The following DLG2 variants were observed in gnomAD, a reference collection of about 807,000 sequenced individuals.
The protein encoded by DLG2 is disks large homolog 2.
A neutral mutation model predicts 132.5 loss-of-function variants in DLG2; 45 were observed. The ratio of observed to expected loss-of-function variants is 0.34; its 90% CI spans 0.27 to 0.44. DLG2 has a LOEUF of 0.44. DLG2 is among the 20% of genes least tolerant of loss of function. The pLI is 1.00. For missense variants in DLG2, 1,045 were observed against 1,196.9 expected (o/e 0.87, Z 1.87); for synonymous variants, 424 against 419.6 (o/e 1.01, Z -0.13).
intron 11 of DLG2, among the ~76,000 whole-genome samples, chr11:84,058,760 T>A (rs7101362): frequency 0.071 from 10,673 of 151,368 alleles, 1,034 homozygotes; most frequent in African/African-American, 0.22. Flanking sequence ...CTGCAACTCC[T>A]CAGAGTAACT....
intron 6 of DLG2, among the ~76,000 whole-genome samples, chr11:84,945,525 A>G (rs1354725933): frequency 6.6e-6 from 1 of 152,212 alleles, no homozygotes; most frequent in Non-Finnish European, 1.5e-5. Context: ...CCAGCATGGC[A>G]CTGGGTCTCG....
At chr11:83,772,263 G>A (rs2094424880) in intron 18 of DLG2, among the ~76,000 whole-genome samples, 1 of 151,802 alleles carries the variant, frequency 6.6e-6, no homozygotes, top group African/African-American at 2.4e-5. Context: ...GAAAAAAATT[G>A]GCTGGGCATG....
chr11:84,379,281 G>A (rs9988803), intron 7 of DLG2, among the ~76,000 whole-genome samples: 42,085 of 151,974 alleles, frequency 0.28, 9,431 homozygotes, highest in African/African-American at 0.62. Context: ...TGTTCAAGAC[G>A]TAAAGGAGAA....
At chr11:83,639,782 G>A (rs117165825) in intron 18 of DLG2, among the ~76,000 whole-genome samples, 2,204 of 133,514 alleles carry the variant, frequency 0.017, 23 homozygotes, top group Non-Finnish European at 0.023. Flanking sequence ...GGTACTGGGA[G>A]TAAAATTAAA....
intron 6 of DLG2, among the ~76,000 whole-genome samples, chr11:84,839,662 CA>C (rs2080337033): frequency 6.6e-6 from 1 of 152,082 alleles, no homozygotes. Context: ...ACCAATAGAA[CA>C]GAACAGAGGC....
At chr11:84,366,107 C>T (rs929042563) in intron 7 of DLG2, among the ~76,000 whole-genome samples, 18 of 151,998 alleles carry the variant, frequency 1.2e-4, no homozygotes, top group Admixed American at 6.6e-4. Flanking sequence ...AGACTAACAG[C>T]GGATCTCTCG....
At chr11:85,239,287 T>C (rs1216112715) in intron 4 of DLG2, among the ~76,000 whole-genome samples, 1 of 152,104 alleles carries the variant, frequency 6.6e-6, no homozygotes, top group Non-Finnish European at 1.5e-5. Flanking sequence ...GCTGCATCTT[T>C]ACATTTGTTT....
chr11:85,247,846 G>A (rs1192389960), intron 4 of DLG2, among the ~76,000 whole-genome samples: 2 of 152,046 alleles, frequency 1.3e-5, no homozygotes, highest in Non-Finnish European at 2.9e-5. Flanking sequence ...AGATACTTCT[G>A]TTGATCCTTC....
At chr11:84,314,993 C>G (rs2098339611) in intron 7 of DLG2, among the ~76,000 whole-genome samples, 2 of 152,076 alleles carry the variant, frequency 1.3e-5, no homozygotes, top group African/African-American at 4.8e-5. Flanking sequence ...GGTTTCATAG[C>G]TCCAGTATTT....
chr11:83,679,188 T>C (rs2078296365), intron 18 of DLG2, among the ~76,000 whole-genome samples: 1 of 152,210 alleles, frequency 6.6e-6, no homozygotes, highest in African/African-American at 2.4e-5. Flanking sequence ...ATTTTCTTTA[T>C]CAATTCCTCA....
intron 3 of DLG2, among the ~76,000 whole-genome samples, chr11:85,567,286 G>C (rs995440585): frequency 1.3e-5 from 2 of 152,064 alleles, no homozygotes; most frequent in Non-Finnish European, 2.9e-5. Context: ...ACCATATTAA[G>C]TCTTCCAACC....
intron 18 of DLG2, among the ~76,000 whole-genome samples, chr11:83,676,572 T>C (rs2077728834): frequency 6.6e-6 from 1 of 152,222 alleles, no homozygotes; most frequent in South Asian, 2.1e-4. Flanking sequence ...GCATAGCTTA[T>C]ACTGGGAAAT....
At chr11:84,514,288 C>T (rs948975699) in intron 7 of DLG2, among the ~76,000 whole-genome samples, 2 of 151,968 alleles carry the variant, frequency 1.3e-5, no homozygotes, top group Non-Finnish European at 2.9e-5. Flanking sequence ...TTTGGAAGTT[C>T]CTTTAAAAAC....
chr11:85,212,593 G>A (rs2082322318), intron 4 of DLG2, among the ~76,000 whole-genome samples: 1 of 152,136 alleles, frequency 6.6e-6, no homozygotes, highest in South Asian at 2.1e-4. Context: ...CTGAAAATCT[G>A]TAGCAATCAG....
chr11:83,483,276 T>C lies in DLG2; in HGVS notation c.2293+853A>G, dbSNP rs371860205. ...ACTCAGAGTCTTTGTTCCATAACCGTCGTCACCTAATCCGGGGATGTCCTG... is the reference window on the plus strand; with the variant it reads ...ACTCAGAGTCTTTGTTCCATAACCGCCGTCACCTAATCCGGGGATGTCCTG... On this transcript the variant is annotated intron_variant, in intron 22 of 27. Transcript: ENST00000376104. 3 of 1,612,898 alleles carry C rather than the reference T, an allele frequency of 1.9e-6. No individual in the cohort carries two copies. In the African/African-American group the frequency reaches 4.0e-5, roughly 22 times the overall value.
At chr11:83,533,181 GT>G (rs1313757122) in intron 20 of DLG2, among the ~76,000 whole-genome samples, 1 of 151,586 alleles carries the variant, frequency 6.6e-6, no homozygotes, top group Non-Finnish European at 1.5e-5. Context: ...TTTCTTCTTT[GT>G]TTTTCCTTCT....
At chr11:83,521,175 G>A (rs2095471447) in intron 21 of DLG2, among the ~76,000 whole-genome samples, 3 of 152,144 alleles carry the variant, frequency 2.0e-5, no homozygotes. Context: ...GTGTCTGGCT[G>A]TGTGACTGCA....
chr11:84,336,038 T>G (rs1173967897), intron 7 of DLG2, among the ~76,000 whole-genome samples: 1 of 152,356 alleles, frequency 6.6e-6, no homozygotes, highest in African/African-American at 2.4e-5. Context: ...TCCATATTCA[T>G]GTAGCAATTC....
intron 5 of DLG2, among the ~76,000 whole-genome samples, chr11:85,131,291 T>C (rs1426256404): frequency 1.3e-5 from 2 of 152,170 alleles, no homozygotes; most frequent in African/African-American, 4.8e-5. Flanking sequence ...TTAATAACTT[T>C]TGATAACTTA....
Sources: gnomAD v4.1 joint callset for allele counts (sites outside exome capture counted in the v4.1 genomes callset) on GRCh38, gnomAD v4.1.1 for gene constraint, MANE v1.5 for transcripts, NCBI Gene and HGNC (gene_info 2026-07-23, HGNC 2026-07-21) for gene names.